TNNI3K: variants seen among roughly 807,000 people sequenced by gnomAD.
The protein encoded by TNNI3K is serine/threonine-protein kinase TNNI3K.
In TNNI3K, 140 loss-of-function variants were observed where a neutral mutation model predicts 114.5. The ratio of observed to expected loss-of-function variants is 1.22; its 90% CI spans 1.07 to 1.41. TNNI3K has a LOEUF of 1.41. Among genes scored for constraint, TNNI3K ranks in the 40% most tolerant of loss-of-function variants. TNNI3K has a pLI of 0.00. For missense variants in TNNI3K, 1,125 were observed against 1,007.6 expected, an observed-to-expected ratio of 1.12 and a Z score of -1.58; for synonymous variants, 347 against 347.5, an observed-to-expected ratio of 1.00 and a Z score of 0.02.
At chr1:74,313,886 A>G (rs1184694123) in intron 5 of TNNI3K, among the ~76,000 whole-genome samples, 1 of 151,936 alleles carries the variant, frequency 6.6e-6, no homozygotes, top group Non-Finnish European at 1.5e-5. Flanking sequence ...TGATGAGAAA[A>G]ACAGAGATTA....
Position 74,417,682 on chromosome 1 carries a change from TTGTG to T in TNNI3K, c.1773-18350_1773-18347del, listed in dbSNP as rs10529693. Reference sequence around the variant, plus strand: ...TAGTTAAGGAGAAAAGTGTACGTGTTTGTGTGTGTGTGTGTGTGTGTGTGTGTGT... The same window carrying T: ...TAGTTAAGGAGAAAAGTGTACGTGTTTGTGTGTGTGTGTGTGTGTGTGTGT... On this transcript the variant is annotated intron_variant, in intron 17 of 24. Transcript: ENST00000326637. Among the ~76,000 whole-genome samples the T allele has an allele frequency of 9.4e-3, 1,286 of 137,066 alleles. 5 individuals are homozygous for T. Among genetic ancestry groups the T allele is most frequent in the East Asian group, 0.02 (94 of 4,640 alleles). 89.9% of individuals were successfully genotyped at this position (137,066 alleles called of 152,430 possible).
intron 17 of TNNI3K, among the ~76,000 whole-genome samples, chr1:74,394,086 T>G (rs979607621): frequency 2.0e-5 from 3 of 152,206 alleles, no homozygotes; most frequent in African/African-American, 7.2e-5. Flanking sequence ...TGAAACTGCC[T>G]TTGGTCAAAT....
chr1:74,428,278 T>C (rs949580922), intron 17 of TNNI3K, among the ~76,000 whole-genome samples: 2 of 152,204 alleles, frequency 1.3e-5, no homozygotes, highest in Non-Finnish European at 2.9e-5. Context: ...TGGATGAGTA[T>C]TGGGAGCTAT....
intron 17 of TNNI3K, chr1:74,402,007 A>G (rs1664387896): frequency 7.5e-6 from 2 of 268,238 alleles, no homozygotes; most frequent in African/African-American, 4.6e-5. Context: ...TATATTTTGA[A>G]TATTGAATAA....
intron 17 of TNNI3K, among the ~76,000 whole-genome samples, chr1:74,431,273 C>G (rs1230138137): frequency 6.6e-6 from 1 of 151,950 alleles, no homozygotes; most frequent in African/African-American, 2.4e-5. Flanking sequence ...GACTATAGGT[C>G]CTCTTTCTAT....
intron 4 of TNNI3K, among the ~76,000 whole-genome samples, chr1:74,265,486 T>C (rs1462650112): frequency 6.6e-6 from 1 of 151,832 alleles, no homozygotes; most frequent in Non-Finnish European, 1.5e-5. Flanking sequence ...GGTCCTGAAA[T>C]AACTGAGAAA....
chr1:74,458,829 G>A (rs1192068661), intron 20 of TNNI3K, among the ~76,000 whole-genome samples: 1 of 152,110 alleles, frequency 6.6e-6, no homozygotes, highest in East Asian at 1.9e-4. Flanking sequence ...ATATTGTGAT[G>A]CTCAGGTTTG....
At chr1:74,421,931 A>G (rs1205666452) in intron 17 of TNNI3K, among the ~76,000 whole-genome samples, 1 of 150,352 alleles carries the variant, frequency 6.7e-6, no homozygotes, top group Non-Finnish European at 1.5e-5. Context: ...TAGGGAGGAA[A>G]GAAGAGCCCT....
chr1:74,466,641 C>G (rs1234340141), intron 21 of TNNI3K, among the ~76,000 whole-genome samples: 1 of 152,152 alleles, frequency 6.6e-6, no homozygotes, highest in Non-Finnish European at 1.5e-5. Context: ...GTGGGTCTGC[C>G]AGTCAGTTGA....
intron 5 of TNNI3K, among the ~76,000 whole-genome samples, chr1:74,316,138 C>T (rs1222943942): frequency 6.6e-6 from 1 of 152,106 alleles, no homozygotes; most frequent in Non-Finnish European, 1.5e-5. Context: ...AATAAAATCG[C>T]ATATAATTCC....
chr1:74,264,614 A>G (rs762783061), intron 4 of TNNI3K, among the ~76,000 whole-genome samples: 15 of 152,108 alleles, frequency 9.9e-5, no homozygotes, highest in Admixed American at 5.2e-4. Context: ...CCAGAAACTT[A>G]GTTTTCTTTC....
rs570856906 is a variant in TNNI3K, at chr1:74,261,005, G to T, written c.333+10236G>T. ...CCTTTTTGATAATATAAAATATTTTGACAAGTTTATTACAAATATGATTAG... is the reference window on the plus strand; with the variant it reads ...CCTTTTTGATAATATAAAATATTTTTACAAGTTTATTACAAATATGATTAG... On this transcript the variant is annotated intron_variant, in intron 4 of 24. Transcript: ENST00000326637. Among the ~76,000 whole-genome samples the T allele has an allele frequency of 2.4e-4, 36 of 152,018 alleles. 1 individual carries two copies. The South Asian group carries it at 7.5e-3, about 32-fold the overall frequency.
intron 5 of TNNI3K, among the ~76,000 whole-genome samples, chr1:74,299,562 A>G (rs1658191656): frequency 5.3e-5 from 8 of 152,090 alleles, no homozygotes; most frequent in Admixed American, 5.2e-4. Flanking sequence ...TTTTCTAAGC[A>G]CTTTACATTG....
Position 74,392,507 on chromosome 1 carries a change from T to C in TNNI3K, c.1772+22115T>C, listed in dbSNP as rs1663841796. Reference sequence around the variant, plus strand: ...TCCATAGCCCTTAGTCCAGTCTACTTCTCATCTATAAAGTCATTTCTCCCA... The same window carrying C: ...TCCATAGCCCTTAGTCCAGTCTACTCCTCATCTATAAAGTCATTTCTCCCA... On this transcript the variant is annotated intron_variant, in intron 17 of 24. Transcript: ENST00000326637. Among the ~76,000 whole-genome samples, 4 of 152,202 alleles carry C rather than the reference T, an allele frequency of 2.6e-5. No individual in the cohort carries two copies. In the South Asian group the frequency reaches 8.3e-4, roughly 32 times the overall value.
chr1:74,398,938 C>G (rs1664218918), intron 17 of TNNI3K, among the ~76,000 whole-genome samples: 1 of 151,870 alleles, frequency 6.6e-6, no homozygotes, highest in Admixed American at 6.6e-5. Flanking sequence ...GCGGGTGGAT[C>G]AAACTCAGGA....
At chr1:74,518,033 A>G (rs1363435002) in intron 23 of TNNI3K, among the ~76,000 whole-genome samples, 1 of 152,152 alleles carries the variant, frequency 6.6e-6, no homozygotes, top group East Asian at 1.9e-4. Flanking sequence ...GCAAGCGATG[A>G]CCTCGCCAGA....
At chr1:74,493,095 C>T (rs1037896121) in intron 23 of TNNI3K, among the ~76,000 whole-genome samples, 3 of 152,212 alleles carry the variant, frequency 2.0e-5, no homozygotes, top group Admixed American at 6.5e-5. Context: ...AATTTAGTCA[C>T]ATGGGAGGCT....
chr1:74,348,547 A>G (rs1661149788), intron 9 of TNNI3K, among the ~76,000 whole-genome samples: 1 of 152,184 alleles, frequency 6.6e-6, no homozygotes, highest in African/African-American at 2.4e-5. Context: ...AGTCATTGGT[A>G]GCTTGATGGA....
intron 20 of TNNI3K, among the ~76,000 whole-genome samples, chr1:74,461,260 C>T (rs572152655): frequency 6.6e-6 from 1 of 152,130 alleles, no homozygotes; most frequent in Non-Finnish European, 1.5e-5. Context: ...GCAGGAGGAT[C>T]ACGAGGTCAG....
Sources: gnomAD v4.1 joint callset for allele counts (sites outside exome capture counted in the v4.1 genomes callset) on GRCh38, gnomAD v4.1.1 for gene constraint, MANE v1.5 for transcripts, NCBI Gene and HGNC (gene_info 2026-07-23, HGNC 2026-07-21) for gene names.